CNTN2: variants seen among roughly 807,000 people sequenced by gnomAD.
CNTN2 encodes the protein contactin-2.
In CNTN2, 53 loss-of-function variants were observed where a neutral mutation model predicts 117.5. That is an observed-to-expected ratio of 0.45 (90% CI 0.36 to 0.57). The LOEUF is 0.57. Ranked by LOEUF, CNTN2 falls within the 20% of genes least tolerant of loss-of-function variation. The pLI is 0.00. For missense variants in CNTN2, 1,106 were observed against 1,404.3 expected (o/e 0.79, Z 3.39); for synonymous variants, 530 against 561.7 (o/e 0.94, Z 0.80).
rs1284313498 is a variant in CNTN2, at chr1:205,073,293, C to A, written c.3013+57C>A. ...AGAGATTCAGGATCCACCCAGATAC[C>A]TGAGAGGATCATTCCCACCCAGGCC... On this transcript the variant is annotated intron_variant, in intron 22 of 22. Coordinates refer to ENST00000331830, the MANE Select transcript of CNTN2 (RefSeq NM_005076.5). This position sits in a 1 kb window ranked among gnomAD's most constrained non-coding sequence, Gnocchi z 6.3. 1.6e-5 allele frequency: 25 copies of A among 1,581,148 alleles called. No individual in the cohort carries two copies. The highest frequency in any genetic ancestry group is 2.0e-5 in the Non-Finnish European group (23 of 1,158,202).
chr1:205,056,165 G>A (rs1182188750), intron 2 of CNTN2, among the ~76,000 whole-genome samples: 1 of 152,166 alleles, frequency 6.6e-6, no homozygotes, highest in Non-Finnish European at 1.5e-5. Context: ...GGAAGAAAGA[G>A]TCTGAATGTA....
intron 16 of CNTN2, 67 bp from the exon 17 acceptor site, chr1:205,069,424 G>GA: frequency 6.5e-7 from 1 of 1,538,152 alleles, no homozygotes; most frequent in Non-Finnish European, 8.9e-7. Context: ...TACAGGCACA[G>GA]GCTCAGGGCT....
chr1:205,064,324 C>G lies in CNTN2; in HGVS notation c.1243C>G (p.Leu415Val). Residue 415 changes from leucine to valine, a missense_variant and splice_region_variant, in exon 11 of 23, where the codon CTC becomes GTC. Coordinates refer to ENST00000331830, the MANE Select transcript of CNTN2 (RefSeq NM_005076.5). ...GTGGCTCTCCCCTTTCCTTCTAGCACTCGCCCCTGACTTCAGGCTGAATCC... is the reference window on the plus strand; with the variant it reads ...GTGGCTCTCCCCTTTCCTTCTAGCAGTCGCCCCTGACTTCAGGCTGAATCC... Reference protein sequence around the residue: ...YASAELAVQALAPDFRLNPVR... With the variant: ...YASAELAVQAVAPDFRLNPVR... 1.3e-6 allele frequency: 2 copies of G among 1,567,398 alleles called. No homozygotes were observed. Among genetic ancestry groups the G allele is most frequent in the Non-Finnish European group, 1.7e-6 (2 of 1,152,222 alleles).
Position 205,061,785 on chromosome 1 carries a change from T to C in CNTN2, c.974-80T>C. On this transcript the variant is annotated intron_variant, in intron 8 of 22. Coordinates refer to ENST00000331830, the MANE Select transcript of CNTN2 (RefSeq NM_005076.5). The surrounding 1 kb of genome is among the most constrained non-coding windows in gnomAD (Gnocchi z 4.8). ...CTCTGCTGTCTGGCACAGGTGCTGC[T>C]GCCCTGATTTTCTGTTCCTTTTAAT... 17 of 1,471,182 alleles carry C rather than the reference T, an allele frequency of 1.2e-5. No individual in the cohort carries two copies. The highest frequency in any genetic ancestry group is 1.5e-5 in the Non-Finnish European group (17 of 1,105,498). 91.1% of individuals were successfully genotyped at this position (1,471,182 alleles called of 1,614,324 possible). A position where few individuals can be genotyped will look rare whatever the true frequency, so the allele number is the denominator to read the frequency against.
upstream of CNTN2, chr1:205,043,085 G>A (rs1316036528): frequency 7.1e-6 from 1 of 141,322 alleles, no homozygotes; most frequent in Non-Finnish European, 1.6e-5. Flanking sequence ...TGGGAGGGGG[G>A]CAGAAGGAAG....
rs549736322 is a variant in CNTN2 at position 205,061,487 on chromosome 1, A to G, written c.973+67A>G. On this transcript the variant is annotated intron_variant, in intron 8 of 22. Coordinates refer to ENST00000331830, the MANE Select transcript of CNTN2 (RefSeq NM_005076.5). The surrounding 1 kb of genome is among the most constrained non-coding windows in gnomAD (Gnocchi z 4.8). ...CTTCCCGCCTTCACCCTTGTCCCCA[A>G]GGAAACAGACCCAAAAGTCAGGGAG... 4.7e-6 allele frequency: 7 copies of G among 1,477,310 alleles called. No homozygotes were observed. The Admixed American group carries it at 1.1e-4, about 23-fold the overall frequency. The allele number at this position is 1,477,310 out of a possible 1,614,324, so 91.5% of individuals were successfully genotyped here.
rs1654232040 is a variant in CNTN2 at position 205,065,451 on chromosome 1, G to A, written c.1695+189G>A. ...TTCCTGGATTCCACCCAGGGACCAT[G>A]CATTTAGGAGAGGGTTAGGGACAAA... On this transcript the variant is annotated intron_variant, in intron 13 of 22. Transcript: ENST00000331830. The surrounding 1 kb of genome is among the most constrained non-coding windows in gnomAD (Gnocchi z 4.1). Among the ~76,000 whole-genome samples, 4 of 152,124 alleles carry A rather than the reference G, an allele frequency of 2.6e-5. No individual in the cohort carries two copies. Among genetic ancestry groups the A allele is most frequent in the Admixed American group, 2.0e-4 (3 of 15,274 alleles).
At chr1:205,045,240 G>T (rs2096439483) in intron 1 of CNTN2, among the ~76,000 whole-genome samples, 2 of 151,734 alleles carry the variant, frequency 1.3e-5, no homozygotes, top group Non-Finnish European at 2.9e-5. Context: ...TTCTTTCCTC[G>T]CACTCCCTTC....
Position 205,064,740 on chromosome 1 carries a change from A to G in CNTN2, c.1509A>G (p.Leu503=). Residue 503 remains leucine (L), a synonymous_variant, in exon 12 of 23, where the codon CTA becomes CTG. Coordinates refer to ENST00000331830, the MANE Select transcript of CNTN2 (RefSeq NM_005076.5). The part of the protein sequence containing the change: ...FMGKANSTGI[L]SVRDATKITL... Reference sequence around the variant, plus strand: ...GCAAAGCCAACAGCACTGGAATCCTATCTGTGCGAGGTGAGGGCTGCCATG... The same window carrying G: ...GCAAAGCCAACAGCACTGGAATCCTGTCTGTGCGAGGTGAGGGCTGCCATG... 1 of 1,613,922 alleles carries G rather than the reference A, an allele frequency of 6.2e-7. No homozygotes were observed. The highest frequency in any genetic ancestry group is 8.5e-7 in the Non-Finnish European group (1 of 1,179,972).
chr1:205,044,895 C>T (rs532961050), intron 1 of CNTN2, among the ~76,000 whole-genome samples: 1 of 152,180 alleles, frequency 6.6e-6, no homozygotes, highest in Non-Finnish European at 1.5e-5. Flanking sequence ...AGCCCCTCCC[C>T]AGGGTGCCCA....
In CNTN2 at chr1:205,065,906, C is replaced by T. The variant is rs1018536564; in HGVS notation, c.1813C>T (p.Arg605Ter). ...SASKEATVLV[R>*]GPPGPPGGVV... The stretch of plus-strand genomic sequence containing the variant: ...GTCCAAGGAGGCCACAGTCCTGGTC[C>T]GAGGTGAGGGGTTTCCCACCTCTAC... Residue 605 changes from arginine (R) to a stop codon, truncating the protein, a stop_gained, in exon 14 of 23, where the codon CGA becomes TGA. Transcript: ENST00000331830. LOFTEE classifies it high-confidence loss of function. The surrounding 1 kb of genome is among the most constrained non-coding windows in gnomAD (Gnocchi z 4.1). 6.8e-6 allele frequency: 11 copies of T among 1,610,368 alleles called. No homozygotes were observed. Among genetic ancestry groups the T allele is most frequent in the Admixed American group, 1.7e-5 (1 of 59,728 alleles).
chr1:205,061,068 C>T lies in CNTN2; in HGVS notation c.798-177C>T. The T allele has an allele frequency of 1.5e-6, 1 of 662,914 alleles. No individual in the cohort carries two copies. The highest frequency in any genetic ancestry group is 2.5e-6 in the Non-Finnish European group (1 of 401,100). 41.1% of individuals were successfully genotyped at this position (662,914 alleles called of 1,614,324 possible). On this transcript the variant is annotated intron_variant, in intron 7 of 22. Transcript: ENST00000331830. This position sits in a 1 kb window ranked among gnomAD's most constrained non-coding sequence, Gnocchi z 4.8. The stretch of plus-strand genomic sequence containing the variant: ...GCCTCTTGCCCCTTCCCTGCGTGTG[C>T]TCCGAGCCTACCTGGGAGAGGAGAG...
chr1:205,047,919 G>A (rs969291251), intron 1 of CNTN2, among the ~76,000 whole-genome samples: 27 of 152,112 alleles, frequency 1.8e-4, no homozygotes, highest in African/African-American at 6.0e-4. Context: ...GCTGGGAGAG[G>A]TTAAGTAACG....
intron 12 of CNTN2, 63 bp downstream of exon 12, chr1:205,064,813 A>T: frequency 6.3e-7 from 1 of 1,591,642 alleles, no homozygotes; most frequent in South Asian, 1.1e-5. Context: ...CCTCCCCATC[A>T]TCCTGCTCCT....
chr1:205,062,035 A>G, intron 9 of CNTN2, 34 bp downstream of exon 9: 1 of 1,607,478 alleles, frequency 6.2e-7, no homozygotes, highest in South Asian at 1.1e-5. Context: ...GACACATCAC[A>G]ACTGTCCTCT....
rs953203143 is a variant in CNTN2 at position 205,064,194 on chromosome 1, G to A, written c.1241-128G>A. The A allele has an allele frequency of 3.8e-6, 4 of 1,054,616 alleles. No individual in the cohort carries two copies. The African/African-American group carries it at 6.3e-5, about 17-fold the overall frequency. The allele number at this position is 1,054,616 out of a possible 1,614,324, so 65.3% of individuals were successfully genotyped here. On this transcript the variant is annotated intron_variant, in intron 10 of 22. Coordinates refer to ENST00000331830, the MANE Select transcript of CNTN2 (RefSeq NM_005076.5). ...CTTAGGCCAGAGAAAAAAGGGCTTG[G>A]TTCTGGATGCATTCTGGAAGAGGTG... is the stretch of plus-strand genomic sequence containing the variant.
chr1:205,057,032 T>C (rs958484155), intron 2 of CNTN2, among the ~76,000 whole-genome samples: 2 of 152,184 alleles, frequency 1.3e-5, no homozygotes, highest in African/African-American at 4.8e-5. Flanking sequence ...CAAAGCAAAC[T>C]GCCCACCCTC....
intron 1 of CNTN2, among the ~76,000 whole-genome samples, chr1:205,052,788 G>T (rs1480249626): frequency 6.6e-6 from 1 of 152,190 alleles, no homozygotes; most frequent in Non-Finnish European, 1.5e-5. Context: ...CGGGCGAGAC[G>T]GCAGGTGGGT....
Position 205,058,097 on chromosome 1 carries a change from C to T in CNTN2, c.215+32C>T. 6.2e-7 allele frequency: 1 copy of T among 1,607,794 alleles called. No individual in the cohort carries two copies. The highest frequency in any genetic ancestry group is 8.5e-7 in the Non-Finnish European group (1 of 1,177,342). The stretch of plus-strand genomic sequence containing the variant: ...CCTCTGCAGTGGGTGCTGGGAGGCC[C>T]TGGGCAGCCGTTGAACTTTCCCTCT... On this transcript the variant is annotated intron_variant, in intron 3 of 22. Coordinates refer to ENST00000331830, the MANE Select transcript of CNTN2 (RefSeq NM_005076.5). This position sits in a 1 kb window ranked among gnomAD's most constrained non-coding sequence, Gnocchi z 4.3.
Sources: allele counts gnomAD v4.1 joint callset (sites outside exome capture counted in the v4.1 genomes callset), GRCh38; gene constraint gnomAD v4.1.1; non-coding constraint Gnocchi (gnomAD v3.1); transcripts MANE v1.5; gene names NCBI Gene and HGNC (gene_info 2026-07-23, HGNC 2026-07-21).